BMPR1B: variants seen among roughly 807,000 people sequenced by gnomAD.
BMPR1B encodes bone morphogenetic protein receptor type 1B.
In BMPR1B, 12 loss-of-function variants were observed where a neutral mutation model predicts 59.1. The observed-to-expected ratio is 0.20, with a 90% CI of 0.13 to 0.33. The LOEUF is 0.33. Ranked by LOEUF, BMPR1B falls within the 10% of genes least tolerant of loss-of-function variation. The probability of loss-of-function intolerance (pLI) is 1.00; values close to 1 mark genes in which losing one functional copy is unlikely to be tolerated. For missense variants in BMPR1B, 550 were observed against 610.9 expected, an observed-to-expected ratio of 0.90 and a Z score of 1.05; for synonymous variants, 237 against 207.3, an observed-to-expected ratio of 1.14 and a Z score of -1.23.
At chr4:95,109,817 G>C (rs967048932) in intron 4 of BMPR1B, among the ~76,000 whole-genome samples, 1 of 150,558 alleles carries the variant, frequency 6.6e-6, no homozygotes, top group Non-Finnish European at 1.5e-5. Context: ...CCATTAACTC[G>C]TCATTTAGCA....
At chr4:95,101,026 T>C (rs2149261641) in intron 3 of BMPR1B, among the ~76,000 whole-genome samples, 1 of 152,256 alleles carries the variant, frequency 6.6e-6, no homozygotes, top group Non-Finnish European at 1.5e-5. Context: ...TGAGAATGGA[T>C]CACAGAAGAA....
chr4:94,996,944 TATC>T (rs1722102561), intron 3 of BMPR1B, among the ~76,000 whole-genome samples: 1 of 152,228 alleles, frequency 6.6e-6, no homozygotes, highest in Admixed American at 6.5e-5. Flanking sequence ...TATTCTGGAT[TATC>T]ATTAAAAGCA....
intron 10 of BMPR1B, among the ~76,000 whole-genome samples, chr4:95,142,932 A>G (rs1455285921): frequency 6.6e-6 from 1 of 151,872 alleles, no homozygotes; most frequent in Non-Finnish European, 1.5e-5. Context: ...GAGATACTAT[A>G]TTTTTAAAAA....
intron 12 of BMPR1B, among the ~76,000 whole-genome samples, chr4:95,153,151 A>G (rs972528238): frequency 4.6e-5 from 7 of 152,180 alleles, no homozygotes; most frequent in Non-Finnish European, 1.0e-4. Flanking sequence ...CATTTTGATT[A>G]GAGAAAAAAA....
rs566738153 is a variant in BMPR1B, at chr4:94,870,287, T to C, written c.-182-5544T>C. Among the ~76,000 whole-genome samples, 219 of 151,810 alleles carry C rather than the reference T, an allele frequency of 1.4e-3. 2 individuals carry two copies. The highest frequency in any genetic ancestry group is 2.1e-3 in the Non-Finnish European group (143 of 68,012). On this transcript the variant is annotated intron_variant, in intron 1 of 12. Coordinates refer to ENST00000515059, the MANE Select transcript of BMPR1B (RefSeq NM_001203.3). Reference sequence around the variant, plus strand: ...GGTTTTTGGCTCTCAAGGACCTTCGTAGTCATACACTAGCTCTTAATCACT... The same window carrying C: ...GGTTTTTGGCTCTCAAGGACCTTCGCAGTCATACACTAGCTCTTAATCACT...
intron 3 of BMPR1B, among the ~76,000 whole-genome samples, chr4:95,093,175 T>A (rs1274846989): frequency 6.6e-6 from 1 of 152,148 alleles, no homozygotes; most frequent in African/African-American, 2.4e-5. Flanking sequence ...TTTTAAATCA[T>A]GGTTACTTGC....
intron 1 of BMPR1B, among the ~76,000 whole-genome samples, chr4:94,793,719 G>A (rs1723071665): frequency 7.0e-6 from 1 of 143,520 alleles, no homozygotes; most frequent in Admixed American, 6.9e-5. Context: ...TCTAACTGGT[G>A]TGAGATGGTA....
chr4:94,986,970 G>A (rs1340296412), intron 2 of BMPR1B, among the ~76,000 whole-genome samples: 2 of 150,546 alleles, frequency 1.3e-5, no homozygotes, highest in Admixed American at 6.6e-5. Context: ...GAACCCAGGA[G>A]GCGGAGCTTG....
intron 1 of BMPR1B, among the ~76,000 whole-genome samples, chr4:94,827,016 T>C (rs1724406547): frequency 6.6e-6 from 1 of 152,164 alleles, no homozygotes; most frequent in Admixed American, 6.5e-5. Context: ...CTAAAAAATC[T>C]GTAGGTTTTT....
intron 3 of BMPR1B, among the ~76,000 whole-genome samples, chr4:95,028,187 C>A (rs1724559199): frequency 6.6e-6 from 1 of 152,074 alleles, no homozygotes; most frequent in African/African-American, 2.4e-5. Context: ...GTATATAATG[C>A]CAACACCTTT....
rs573021264 is a variant in BMPR1B, at chr4:95,136,872, C to T, written c.1076+5360C>T. ...TTTTCAAAACACCAACTCCTGGATTCATTGATTTTTTGAAGGGTTTTTTGT... is the reference window on the plus strand; with the variant it reads ...TTTTCAAAACACCAACTCCTGGATTTATTGATTTTTTGAAGGGTTTTTTGT... On this transcript the variant is annotated intron_variant, in intron 10 of 12. Transcript: ENST00000515059. 4.6e-5 allele frequency among the ~76,000 whole-genome samples: 7 copies of T among 152,250 alleles called. No homozygotes were observed. In the South Asian group the frequency reaches 6.2e-4, roughly 14 times the overall value.
chr4:95,092,247 A>G (rs1024505257), intron 3 of BMPR1B, among the ~76,000 whole-genome samples: 3 of 152,124 alleles, frequency 2.0e-5, no homozygotes, highest in African/African-American at 7.2e-5. Context: ...TTGGCATGAT[A>G]AAGTGTACAT....
At chr4:94,957,021 C>T (rs796485131) in intron 2 of BMPR1B, among the ~76,000 whole-genome samples, 65 of 152,288 alleles carry the variant, frequency 4.3e-4, no homozygotes, top group African/African-American at 1.4e-3. Flanking sequence ...TATGTTGATA[C>T]ACACAGCATT....
At chr4:94,941,896 C>T (rs1462917210) in intron 2 of BMPR1B, among the ~76,000 whole-genome samples, 1 of 152,226 alleles carries the variant, frequency 6.6e-6, no homozygotes, top group Non-Finnish European at 1.5e-5. Context: ...CCGTCTCCAA[C>T]AGGTGTTCTG....
intron 2 of BMPR1B, among the ~76,000 whole-genome samples, chr4:94,895,777 T>C (rs1380204835): frequency 6.6e-6 from 1 of 151,916 alleles, no homozygotes; most frequent in Non-Finnish European, 1.5e-5. Flanking sequence ...AGAATCATCT[T>C]GTTAGTATTC....
At chr4:95,152,416 G>T (rs1050610967) in intron 11 of BMPR1B, among the ~76,000 whole-genome samples, 1 of 152,042 alleles carries the variant, frequency 6.6e-6, no homozygotes, top group Non-Finnish European at 1.5e-5. Context: ...GGAAAGAAAG[G>T]CTTGAAGACC....
intron 2 of BMPR1B, among the ~76,000 whole-genome samples, chr4:94,984,196 A>G (rs1214929481): frequency 6.6e-6 from 1 of 152,198 alleles, no homozygotes; most frequent in Non-Finnish European, 1.5e-5. Context: ...TGTCATCTGA[A>G]TAAGGTTTTC....
rs983120161 is a variant in BMPR1B, at chr4:95,156,014, A to G, written c.*1341A>G. 2.0e-5 allele frequency: 3 copies of G among 152,056 alleles called. No homozygotes were observed. The highest frequency in any genetic ancestry group is 4.4e-5 in the Non-Finnish European group (3 of 68,012). 9.4% of individuals were successfully genotyped at this position (152,056 alleles called of 1,614,324 possible). A position where few individuals can be genotyped will look rare whatever the true frequency, so the allele number is the denominator to read the frequency against. ...ATCATTTCACATCTTAGGAATGCCT[A>G]CTCATTTTATTTTATTCTAGTGATG... On this transcript the variant is annotated 3_prime_UTR_variant, in exon 13 of 13. Transcript: ENST00000515059.
In BMPR1B at chr4:95,154,929, G is replaced by T. The variant is rs1220501571; in HGVS notation, c.*256G>T. 2.0e-5 allele frequency: 9 copies of T among 441,928 alleles called. No individual in the cohort carries two copies. The highest frequency in any genetic ancestry group is 6.0e-5 in the African/African-American group (3 of 49,784). 27.4% of individuals were successfully genotyped at this position (441,928 alleles called of 1,614,324 possible). A position where few individuals can be genotyped will look rare whatever the true frequency, so the allele number is the denominator to read the frequency against. ...ACTTGTTCAAGATATGATGCATGTT[G>T]CTTTCTAAGAAAGCCCTGTATTTTG... On this transcript the variant is annotated 3_prime_UTR_variant, in exon 13 of 13. Coordinates refer to ENST00000515059, the MANE Select transcript of BMPR1B (RefSeq NM_001203.3).
Sources: allele counts gnomAD v4.1 joint callset (sites outside exome capture counted in the v4.1 genomes callset), GRCh38; gene constraint gnomAD v4.1.1; transcripts MANE v1.5; gene names NCBI Gene and HGNC (gene_info 2026-07-23, HGNC 2026-07-21).